The following TRDMT1 variants were observed in gnomAD, a reference collection of about 807,000 sequenced individuals.
The protein encoded by TRDMT1 is tRNA (cytosine(38)-C(5))-methyltransferase.
Under a neutral mutation model 51.2 loss-of-function variants are expected in TRDMT1, and 49 were observed. The observed-to-expected ratio is 0.96, with a 90% CI of 0.76 to 1.21. The LOEUF (loss-of-function observed/expected upper bound fraction) is 1.21, where lower values mean the gene tolerates loss of function less well. TRDMT1 is among the 50% of genes most tolerant of loss of function. TRDMT1 has a pLI of 0.00. For synonymous variants in TRDMT1, 187 were observed against 164.6 expected (o/e 1.14, Z -1.04); for missense variants, 534 against 462.3 (o/e 1.16, Z -1.42).
At position 17,148,012 on chromosome 10, in the gene TRDMT1, T is replaced by C. The variant is rs926584164; in HGVS notation, c.*1028A>G. ...AAATTTGAATTAAAATCTTGTAATA[T>C]GATTTCTGGACTTGTTTCTTTTCAT... On this transcript the variant is annotated 3_prime_UTR_variant, in exon 11 of 11. Coordinates refer to ENST00000377799, the MANE Select transcript of TRDMT1 (RefSeq NM_004412.7). The C allele has an allele frequency of 4.1e-6, 4 of 984,924 alleles. No homozygotes were observed. Among genetic ancestry groups the C allele is most frequent in the African/African-American group, 1.7e-5 (1 of 57,244 alleles). 61.0% of individuals were successfully genotyped at this position (984,924 alleles called of 1,614,324 possible). A position where few individuals can be genotyped will look rare whatever the true frequency, so the allele number is the denominator to read the frequency against.
At chr10:17,176,146 C>A (rs1353484560) in intron 1 of TRDMT1, among the ~76,000 whole-genome samples, 1 of 152,174 alleles carries the variant, frequency 6.6e-6, no homozygotes, top group Non-Finnish European at 1.5e-5. Flanking sequence ...ACAAAACTAT[C>A]ATAATTCAAG....
At chr10:17,169,920 T>A (rs756830620) in intron 2 of TRDMT1, among the ~76,000 whole-genome samples, 1 of 152,136 alleles carries the variant, frequency 6.6e-6, no homozygotes, top group African/African-American at 2.4e-5. Context: ...AGGAAAGCAA[T>A]CTGAAAATCC....
intron 10 of TRDMT1, chr10:17,150,434 T>C (rs1380769609): frequency 2.0e-6 from 2 of 985,282 alleles, no homozygotes; most frequent in African/African-American, 3.5e-5. Context: ...CATATTGGAC[T>C]TCCATTTGCT....
At chr10:17,153,429 G>C (rs2273736) in intron 10 of TRDMT1, 78 bp downstream of exon 10, 785,885 of 1,547,360 alleles carry the variant, frequency 0.51, 206,717 homozygotes, top group South Asian at 0.58. Context: ...GTTTAGGCAA[G>C]TCCTAGACAC....
chr10:17,151,322 G>A (rs1564553371), intron 10 of TRDMT1: 1 of 985,212 alleles, frequency 1.0e-6, no homozygotes, highest in East Asian at 1.1e-4. Flanking sequence ...GGATGAACAA[G>A]GTCAAGATAT....
chr10:17,151,888 A>C, intron 10 of TRDMT1: 1 of 1,075,412 alleles, frequency 9.3e-7, no homozygotes, highest in Non-Finnish European at 1.1e-6. Flanking sequence ...TTTTACAGAG[A>C]AGTAAACTAA....
At chr10:17,154,533 T>C (rs1428840188) in intron 9 of TRDMT1, 144 bp downstream of exon 9, 9 of 412,560 alleles carry the variant, frequency 2.2e-5, no homozygotes, top group Non-Finnish European at 3.3e-5. Context: ...TAATAAAATA[T>C]TATATATATG....
intron 10 of TRDMT1, chr10:17,151,732 A>G: frequency 1.2e-6 from 1 of 828,042 alleles, no homozygotes; most frequent in Non-Finnish European, 1.5e-6. Context: ...AATAAAGATT[A>G]TAAAAGTAAA....
Position 17,199,700 on chromosome 10 carries a change from G to T in TRDMT1, c.64+1871C>A, listed in dbSNP as rs187365944. ...TTTAAGCAACGAAGTAACATGATCT[G>T]GTTTACTGTGCAAATGATCATGCTG... is the stretch of plus-strand genomic sequence containing the variant. On this transcript the variant is annotated intron_variant, in intron 1 of 10. Coordinates refer to ENST00000377799, the MANE Select transcript of TRDMT1 (RefSeq NM_004412.7). 1.4e-4 allele frequency among the ~76,000 whole-genome samples: 21 copies of T among 152,230 alleles called. No homozygotes were observed. In the East Asian group the frequency reaches 4.1e-3, roughly 29 times the overall value.
At position 17,144,851 on chromosome 10, in the gene TRDMT1, G is replaced by A; in HGVS notation, c.*4189C>T. On this transcript the variant is annotated 3_prime_UTR_variant, in exon 11 of 11. Coordinates refer to ENST00000377799, the MANE Select transcript of TRDMT1 (RefSeq NM_004412.7). The stretch of plus-strand genomic sequence containing the variant: ...AAACTGAAGCTTTAAAATTTCACCA[G>A]CAAAGACAAGAAATAGTGAAAGGGA... The A allele has an allele frequency of 4.1e-6, 4 of 984,766 alleles. No individual in the cohort carries two copies. Among genetic ancestry groups the A allele is most frequent in the Non-Finnish European group, 4.8e-6 (4 of 829,806 alleles). The allele number at this position is 984,766 out of a possible 1,614,324, so 61.0% of individuals were successfully genotyped here. A position where few individuals can be genotyped will look rare whatever the true frequency, so the allele number is the denominator to read the frequency against.
rs1357165756 is a variant in TRDMT1 at position 17,138,111 on chromosome 10, G to A, written c.*10929C>T. Among the ~76,000 whole-genome samples the A allele has an allele frequency of 6.6e-6, 1 of 152,142 alleles. No individual in the cohort carries two copies. Among genetic ancestry groups the A allele is most frequent in the Non-Finnish European group, 1.5e-5 (1 of 68,026 alleles). On this transcript the variant is annotated 3_prime_UTR_variant, in exon 11 of 11. Coordinates refer to ENST00000377799, the MANE Select transcript of TRDMT1 (RefSeq NM_004412.7). ...AGATGCAGAGGTGCGTTGGAGGATG[G>A]ACAAATTGGCAAGATTCTCACACCC...
intron 1 of TRDMT1, among the ~76,000 whole-genome samples, chr10:17,178,963 G>T (rs541389273): frequency 2.0e-5 from 3 of 152,042 alleles, no homozygotes; most frequent in African/African-American, 7.2e-5. Flanking sequence ...TATCTTAGGA[G>T]AATTTATTTT....
chr10:17,174,051 C>A (rs1184475618), intron 2 of TRDMT1, among the ~76,000 whole-genome samples: 1 of 152,138 alleles, frequency 6.6e-6, no homozygotes, highest in East Asian at 1.9e-4. Context: ...GCGTCAGCCA[C>A]CGCGCCCAGC....
intron 1 of TRDMT1, among the ~76,000 whole-genome samples, chr10:17,188,315 T>C (rs1164780013): frequency 6.6e-6 from 1 of 152,240 alleles, no homozygotes; most frequent in Non-Finnish European, 1.5e-5. Flanking sequence ...CCCTGACTAC[T>C]GAACGGGACA....
Position 17,159,278 on chromosome 10 carries a change from G to A in TRDMT1, c.460-49C>T, listed in dbSNP as rs367614712. 224 of 1,377,116 alleles carry A rather than the reference G, an allele frequency of 1.6e-4. 1 individual carries two copies. The highest frequency in any genetic ancestry group is 1.0e-3 in the South Asian group (78 of 76,166). 85.3% of individuals were successfully genotyped at this position (1,377,116 alleles called of 1,614,324 possible). ...GTTACTCTAAAAAATTAAAGAGAGC[G>A]GTACCAACTTTAGCACCAAGTTAAA... On this transcript the variant is annotated intron_variant, in intron 6 of 10. Coordinates refer to ENST00000377799, the MANE Select transcript of TRDMT1 (RefSeq NM_004412.7).
chr10:17,145,480 C>T lies in TRDMT1; in HGVS notation c.*3560G>A. ...AAAAATTATATAATCTCAATGCAATCACAGGCTACAAGAAAACTGCTGAGG... is the reference window on the plus strand; with the variant it reads ...AAAAATTATATAATCTCAATGCAATTACAGGCTACAAGAAAACTGCTGAGG... On this transcript the variant is annotated 3_prime_UTR_variant, in exon 11 of 11. Coordinates refer to ENST00000377799, the MANE Select transcript of TRDMT1 (RefSeq NM_004412.7). 1.0e-6 allele frequency: 1 copy of T among 985,386 alleles called. No homozygotes were observed. The highest frequency in any genetic ancestry group is 1.2e-6 in the Non-Finnish European group (1 of 829,922). The allele number at this position is 985,386 out of a possible 1,614,324, so 61.0% of individuals were successfully genotyped here. A position where few individuals can be genotyped will look rare whatever the true frequency, so the allele number is the denominator to read the frequency against.
chr10:17,180,340 A>G (rs1273930906), intron 1 of TRDMT1, among the ~76,000 whole-genome samples: 1 of 152,140 alleles, frequency 6.6e-6, no homozygotes, highest in Non-Finnish European at 1.5e-5. Context: ...CAGGAGTTTG[A>G]GACCAGCCTG....
At chr10:17,184,897 G>T (rs11254441) in intron 1 of TRDMT1, among the ~76,000 whole-genome samples, 4 of 151,972 alleles carry the variant, frequency 2.6e-5, no homozygotes, top group Non-Finnish European at 4.4e-5. Context: ...GTGTTCATAC[G>T]TCCTGATGAA....
At chr10:17,150,035 T>C (rs1838482583) in intron 10 of TRDMT1, among the ~76,000 whole-genome samples, 1 of 152,160 alleles carries the variant, frequency 6.6e-6, no homozygotes, top group African/African-American at 2.4e-5. Context: ...AACTCTATGT[T>C]TAATGTTTGA....
Sources: allele counts gnomAD v4.1 joint callset (sites outside exome capture counted in the v4.1 genomes callset), GRCh38; gene constraint gnomAD v4.1.1; transcripts MANE v1.5; gene names NCBI Gene and HGNC (gene_info 2026-07-23, HGNC 2026-07-21).